EIF2D: variants seen among roughly 807,000 people sequenced by gnomAD.
EIF2D encodes the protein hepatocellular carcinoma-associated antigen 56.
Under a neutral mutation model 77.4 loss-of-function variants are expected in EIF2D, and 56 were observed. That is an observed-to-expected ratio of 0.72 (90% CI 0.58 to 0.90). The LOEUF (loss-of-function observed/expected upper bound fraction) is 0.90, where lower values mean the gene tolerates loss of function less well. EIF2D is among the 40% of genes least tolerant of loss of function. The pLI is 0.00. For synonymous variants in EIF2D, 230 were observed against 271.0 expected (o/e 0.85, Z 1.49); for missense variants, 574 against 706.5 (o/e 0.81, Z 2.13).
At chr1:206,591,450 A>G (rs4844541), downstream of EIF2D, among the ~76,000 whole-genome samples, 70,528 of 151,898 alleles carry the variant, frequency 0.46, 16,489 homozygotes, top group South Asian at 0.54. Flanking sequence ...GAAGGTCTTT[A>G]AAAAGAGGAA....
intron 2 of EIF2D, 87 bp downstream of exon 2, chr1:206,611,097 A>T: frequency 7.7e-7 from 1 of 1,301,060 alleles, no homozygotes; most frequent in Non-Finnish European, 1.1e-6. Context: ...TGCTTATTTT[A>T]TGGGAGACAA....
chr1:206,585,093 C>A, intron 2 of EIF2D: 4 of 931,704 alleles, frequency 4.3e-6, no homozygotes, highest in Non-Finnish European at 6.8e-6. Flanking sequence ...ACGTACCCCA[C>A]CTCTGCATTT....
At chr1:206,585,340 GGGTGGGTGCA>G (rs781966670) in intron 2 of EIF2D, 22 of 1,443,544 alleles carry the variant, frequency 1.5e-5, no homozygotes, top group Non-Finnish European at 2.1e-5. Flanking sequence ...AGGGCACCCT[GGGTGGGTGCA>G]GGTGGGTGTT....
In EIF2D at chr1:206,612,453, G is replaced by A. The variant is rs1267093399; in HGVS notation, c.-111C>T. The A allele has an allele frequency of 2.8e-5, 40 of 1,446,290 alleles. No individual in the cohort carries two copies. Among genetic ancestry groups the A allele is most frequent in the Admixed American group, 5.4e-5 (3 of 56,014 alleles). The allele number at this position is 1,446,290 out of a possible 1,614,324, so 89.6% of individuals were successfully genotyped here. On this transcript the variant is annotated 5_prime_UTR_variant, in exon 1 of 15. Transcript: ENST00000271764. ...CGTGGGGGCAGCCATGCTGGGGCCC[G>A]GCCGCGAAAAGGGCCCGGCTGGAAA...
chr1:206,595,664 C>T, intron 13 of EIF2D, 54 bp downstream of exon 13: 2 of 1,587,828 alleles, frequency 1.3e-6, no homozygotes, highest in Non-Finnish European at 1.7e-6. Context: ...GAGACCAGAA[C>T]TTGGCAAGAA....
intron 4 of EIF2D, among the ~76,000 whole-genome samples, chr1:206,573,383 C>T (rs1404863213): frequency 1.3e-5 from 2 of 152,200 alleles, no homozygotes; most frequent in East Asian, 3.8e-4. Context: ...AAGCCAAATA[C>T]ACACTCATGT....
At chr1:206,586,553 A>T in intron 2 of EIF2D, 1 of 313,120 alleles carries the variant, frequency 3.2e-6, no homozygotes, top group East Asian at 7.5e-5. Context: ...CGGCTGCTAC[A>T]CAGAAACTTA....
chr1:206,600,250 G>C lies in EIF2D; in HGVS notation c.948+13C>G, dbSNP rs567728625. On this transcript the variant is annotated intron_variant, in intron 8 of 14. Transcript: ENST00000271764. ...ACTCTCTGCATGGGTCTGCAAAGAA[G>C]ATCCTTGCTTACCTTTTTGTAGCTT... The C allele has an allele frequency of 6.2e-7, 1 of 1,613,608 alleles. No individual in the cohort carries two copies. The highest frequency in any genetic ancestry group is 1.7e-4 in the Middle Eastern group (1 of 6,060).
In EIF2D at chr1:206,612,453, G is replaced by C; in HGVS notation, c.-111C>G. ...CGTGGGGGCAGCCATGCTGGGGCCCGGCCGCGAAAAGGGCCCGGCTGGAAA... is the reference window on the plus strand; with the variant it reads ...CGTGGGGGCAGCCATGCTGGGGCCCCGCCGCGAAAAGGGCCCGGCTGGAAA... On this transcript the variant is annotated 5_prime_UTR_variant, in exon 1 of 15. Coordinates refer to ENST00000271764, the MANE Select transcript of EIF2D (RefSeq NM_006893.3). 2 of 1,446,410 alleles carry C rather than the reference G, an allele frequency of 1.4e-6. No individual in the cohort carries two copies. The highest frequency in any genetic ancestry group is 1.8e-5 in the Admixed American group (1 of 56,034). The allele number at this position is 1,446,410 out of a possible 1,614,324, so 89.6% of individuals were successfully genotyped here.
intron 12 of EIF2D, among the ~76,000 whole-genome samples, 186 bp from the exon 13 acceptor site, chr1:206,596,024 G>C (rs782719060): frequency 1.5e-4 from 23 of 152,164 alleles, no homozygotes; most frequent in Non-Finnish European, 3.2e-4. Context: ...CTCTGACTAG[G>C]GCTATGTATT....
Position 206,579,216 on chromosome 1 carries a change from T to C in EIF2D, c.*254+1476A>G, listed in dbSNP as rs1553405763. ...GAACAGCTCAGCCATCTGCCACCAA[T>C]GCCAGGGGCTTAATCGGAATAGATG... On this transcript the variant is annotated intron_variant and NMD_transcript_variant, in intron 4 of 5. Coordinates refer to the EIF2D transcript ENST00000472709. The surrounding 1 kb of genome is among the most constrained non-coding windows in gnomAD (Gnocchi z 4.2). 6.6e-6 allele frequency among the ~76,000 whole-genome samples: 1 copy of C among 152,198 alleles called. No homozygotes were observed. The highest frequency in any genetic ancestry group is 2.4e-5 in the African/African-American group (1 of 41,448).
intron 4 of EIF2D, among the ~76,000 whole-genome samples, chr1:206,579,000 T>C (rs1167559205): frequency 5.3e-5 from 8 of 152,158 alleles, no homozygotes; most frequent in African/African-American, 1.9e-4. Context: ...GTTAAGAATA[T>C]TTAAATGGAA....
rs1169289905 is a variant in EIF2D, at chr1:206,572,133, A to T, written c.*359+462T>A. 3.3e-5 allele frequency among the ~76,000 whole-genome samples: 5 copies of T among 152,300 alleles called. No homozygotes were observed. The East Asian group carries it at 9.6e-4, about 29-fold the overall frequency. ...AGCAATCCTACAAGACCTTTATAAA[A>T]TTCTGGAACCTTTTAATTACCTTAC... On this transcript the variant is annotated intron_variant and NMD_transcript_variant, in intron 5 of 5. Transcript: ENST00000472709.
intron 4 of EIF2D, among the ~76,000 whole-genome samples, chr1:206,580,262 G>A (rs1668817735): frequency 6.6e-6 from 1 of 152,204 alleles, no homozygotes; most frequent in Non-Finnish European, 1.5e-5. Flanking sequence ...GAAAGCCACA[G>A]CACAGCTGCC....
intron 5 of EIF2D, 32 bp from the exon 6 acceptor site, chr1:206,603,236 A>T: frequency 1.9e-6 from 3 of 1,607,766 alleles, no homozygotes; most frequent in Non-Finnish European, 2.6e-6. Context: ...AACATCAAGC[A>T]GCAGCTCCAA....
intron 7 of EIF2D, 113 bp downstream of exon 7, chr1:206,602,223 T>C: frequency 2.6e-6 from 2 of 765,460 alleles, no homozygotes; most frequent in East Asian, 2.5e-5. Context: ...CTCCACTCTT[T>C]CCACAGCATG....
At chr1:206,591,431 T>C (rs1397381939), downstream of EIF2D, among the ~76,000 whole-genome samples, 1 of 152,112 alleles carries the variant, frequency 6.6e-6, no homozygotes, top group Non-Finnish European at 1.5e-5. Flanking sequence ...GGCAGTAGGA[T>C]ATTTGGTAGA....
chr1:206,570,403 C>T (rs1553404017), downstream of EIF2D, among the ~76,000 whole-genome samples: 1 of 152,042 alleles, frequency 6.6e-6, no homozygotes, highest in Non-Finnish European at 1.5e-5. Flanking sequence ...CAAAATGTAC[C>T]ATTCTTAAGT....
intron 14 of EIF2D, 107 bp downstream of exon 14, chr1:206,593,496 AGAGAGAGAGAGAGTGT>A (rs1280127896): frequency 2.2e-6 from 1 of 448,024 alleles, no homozygotes; most frequent in Non-Finnish European, 3.4e-6. Context: ...AGCGAGAGAG[AGAGAGAGAGAGAGTGT>A]GTGTGTGTGT....
Sources: gnomAD v4.1 joint callset for allele counts (sites outside exome capture counted in the v4.1 genomes callset) on GRCh38, gnomAD v4.1.1 for gene constraint, Gnocchi (gnomAD v3.1) non-coding constraint, MANE v1.5 for transcripts, NCBI Gene and HGNC (gene_info 2026-07-23, HGNC 2026-07-21) for gene names.